The following KSR2 variants were observed in gnomAD, a reference collection of about 807,000 sequenced individuals.
KSR2 encodes kinase suppressor of ras 2.
KSR2 carries 25 observed loss-of-function variants against 107.8 expected under a neutral mutation model. The ratio of observed to expected loss-of-function variants is 0.23; its 90% confidence interval spans 0.17 to 0.32. The LOEUF (loss-of-function observed/expected upper bound fraction) is 0.32. Ranked by LOEUF, KSR2 falls within the 10% of genes least tolerant of loss-of-function variation. The pLI, the probability that KSR2 is intolerant of heterozygous loss-of-function variation, is 1.00. For synonymous variants in KSR2, 480 were observed against 507.0 expected (o/e 0.95, Z 0.71); for missense variants, 887 against 1,268.9 (o/e 0.70, Z 4.57).
intron 14 of KSR2, among the ~76,000 whole-genome samples, chr12:117,510,495 C>T (rs1873956887): frequency 6.6e-6 from 1 of 152,154 alleles, no homozygotes. Flanking sequence ...ACTCCATACC[C>T]AATATTCTTT....
chr12:117,820,893 C>T (rs1295425475), intron 3 of KSR2, among the ~76,000 whole-genome samples: 2 of 152,160 alleles, frequency 1.3e-5, no homozygotes, highest in Non-Finnish European at 2.9e-5. Flanking sequence ...CAGGCAAGAC[C>T]TCCGAAAGAG....
At chr12:117,804,079 G>T (rs1048544580) in intron 3 of KSR2, among the ~76,000 whole-genome samples, 5 of 152,174 alleles carry the variant, frequency 3.3e-5, no homozygotes, top group Non-Finnish European at 5.9e-5. Context: ...ATTTTGCTCT[G>T]TCACCCAGGC....
At chr12:117,784,498 G>A (rs1218461331) in intron 3 of KSR2, among the ~76,000 whole-genome samples, 2 of 152,128 alleles carry the variant, frequency 1.3e-5, no homozygotes, top group African/African-American at 2.4e-5. Context: ...CACGAGAACA[G>A]GCTAATACAG....
intron 5 of KSR2, among the ~76,000 whole-genome samples, chr12:117,623,814 C>T (rs1392224434): frequency 6.6e-6 from 1 of 152,204 alleles, no homozygotes; most frequent in African/African-American, 2.4e-5. Context: ...CACTGTCTTC[C>T]ACAATGGTTG....
intron 15 of KSR2, among the ~76,000 whole-genome samples, chr12:117,485,236 G>A (rs1399373964): frequency 6.6e-6 from 1 of 152,210 alleles, no homozygotes; most frequent in East Asian, 1.9e-4. Flanking sequence ...CCTAGCAGCA[G>A]TGGAGAGAGA....
chr12:117,548,624 G>C (rs1280179618), intron 9 of KSR2, among the ~76,000 whole-genome samples: 1 of 152,032 alleles, frequency 6.6e-6, no homozygotes, highest in Non-Finnish European at 1.5e-5. Context: ...TTCAACTGTG[G>C]GGGTGGGGTT....
At chr12:117,760,494 G>C (rs1465652565) in intron 4 of KSR2, among the ~76,000 whole-genome samples, 1 of 152,206 alleles carries the variant, frequency 6.6e-6, no homozygotes, top group Non-Finnish European at 1.5e-5. Flanking sequence ...GATGTATTAT[G>C]ATCATTAATA....
At chr12:117,818,129 G>C (rs1251502745) in intron 3 of KSR2, among the ~76,000 whole-genome samples, 1 of 151,952 alleles carries the variant, frequency 6.6e-6, no homozygotes, top group African/African-American at 2.4e-5. Flanking sequence ...AAGTTCCAAT[G>C]GTTTATCCAA....
chr12:117,609,421 G>A (rs546688315), intron 5 of KSR2, among the ~76,000 whole-genome samples: 4 of 152,286 alleles, frequency 2.6e-5, no homozygotes, highest in South Asian at 2.1e-4. Flanking sequence ...GCTAACTTAC[G>A]GCACCAAGGC....
intron 1 of KSR2, among the ~76,000 whole-genome samples, chr12:117,941,668 C>T (rs1257049805): frequency 7.1e-6 from 1 of 140,058 alleles, no homozygotes; most frequent in African/African-American, 2.8e-5. Context: ...GCTCTGTCAC[C>T]CAGGCTGGAG....
intron 3 of KSR2, among the ~76,000 whole-genome samples, chr12:117,783,007 TTCACC>T (rs1337415703): frequency 2.0e-5 from 3 of 152,158 alleles, no homozygotes; most frequent in African/African-American, 7.2e-5. Context: ...TAAAAATGGT[TTCACC>T]AAGGACTGAA....
At chr12:117,792,038 T>C (rs968918988) in intron 3 of KSR2, among the ~76,000 whole-genome samples, 2 of 152,256 alleles carry the variant, frequency 1.3e-5, no homozygotes, top group African/African-American at 4.8e-5. Context: ...GGAGCAATGA[T>C]AAAGCATTGC....
chr12:117,735,259 G>C (rs11068662), intron 4 of KSR2, among the ~76,000 whole-genome samples: 2,229 of 152,308 alleles, frequency 0.015, 58 homozygotes, highest in African/African-American at 0.051. Flanking sequence ...ATAGAGAGCA[G>C]AGCCTTCTCT....
intron 1 of KSR2, among the ~76,000 whole-genome samples, chr12:117,949,911 A>T (rs976142848): frequency 6.6e-6 from 1 of 152,136 alleles, no homozygotes; most frequent in Non-Finnish European, 1.5e-5. Flanking sequence ...ATAAATACTG[A>T]ACTAATTAAT....
At chr12:117,824,705 A>G (rs1891678487) in intron 3 of KSR2, among the ~76,000 whole-genome samples, 1 of 151,578 alleles carries the variant, frequency 6.6e-6, no homozygotes, top group Non-Finnish European at 1.5e-5. Context: ...AAATACAAAA[A>G]CATTAGCTGG....
At chr12:117,830,297 A>C (rs569468060) in intron 3 of KSR2, among the ~76,000 whole-genome samples, 1 of 152,126 alleles carries the variant, frequency 6.6e-6, no homozygotes, top group East Asian at 1.9e-4. Flanking sequence ...GTAGGAACTA[A>C]ACATTGGGTA....
chr12:117,963,063 G>C (rs1896701787), intron 1 of KSR2, among the ~76,000 whole-genome samples: 1 of 151,834 alleles, frequency 6.6e-6, no homozygotes, highest in Admixed American at 6.6e-5. Flanking sequence ...GATGGTGCAG[G>C]CTTGTAATCC....
chr12:117,632,760 G>A (rs1244010826), intron 5 of KSR2, among the ~76,000 whole-genome samples: 1 of 152,092 alleles, frequency 6.6e-6, no homozygotes, highest in Non-Finnish European at 1.5e-5. Flanking sequence ...TCAATGTTTA[G>A]CTCTTAAGTA....
At chr12:117,542,144 AG>A (rs1565892327) in intron 9 of KSR2, among the ~76,000 whole-genome samples, 1 of 151,916 alleles carries the variant, frequency 6.6e-6, no homozygotes, top group Non-Finnish European at 1.5e-5. Context: ...CTCCCCCCTC[AG>A]CCTCCCAAAG....
Sources: allele counts gnomAD v4.1 joint callset (sites outside exome capture counted in the v4.1 genomes callset), GRCh38; gene constraint gnomAD v4.1.1; transcripts MANE v1.5; gene names NCBI Gene and HGNC (gene_info 2026-07-23, HGNC 2026-07-21).